THADA: variants seen among roughly 807,000 people sequenced by gnomAD.
THADA encodes the protein tRNA (32-2'-O)-methyltransferase regulator THADA.
A neutral mutation model predicts 219.8 loss-of-function variants in THADA; 213 were observed. That is an observed-to-expected ratio of 0.97 (90% CI 0.87 to 1.09). THADA has a LOEUF of 1.09. Ranked by LOEUF, THADA falls within the 50% of genes least tolerant of loss-of-function variation. The pLI is 0.00. For missense variants in THADA, 2,956 were observed against 2,311.3 expected (o/e 1.28, Z -5.72); for synonymous variants, 1,018 against 828.9 (o/e 1.23, Z -3.92).
Position 43,344,172 on chromosome 2 carries a change from C to T in THADA, c.4293G>A (p.Glu1431=), listed in dbSNP as rs1667370412. 6.2e-7 allele frequency: 1 copy of T among 1,612,672 alleles called. No individual in the cohort carries two copies. Among genetic ancestry groups the T allele is most frequent in the African/African-American group, 1.3e-5 (1 of 75,012 alleles). Residue 1431 remains glutamate, a synonymous_variant, in exon 30 of 38, where the codon GAG becomes GAA. Transcript: ENST00000405975. The stretch of plus-strand genomic sequence containing the variant: ...TGGTACAAACAGTGATGTCAGTCAG[C>T]TCGTGCTGGAAGTCTGAATTCGTTC... ...KHGTNSDFQH[E]LTDITVCTKA...
intron 25 of THADA, 48 bp downstream of exon 25, chr2:43,498,785 C>G (rs779304912): frequency 1.3e-6 from 2 of 1,589,632 alleles, no homozygotes; most frequent in South Asian, 2.3e-5. Flanking sequence ...TTAAAACCTA[C>G]TCAGAAGCAT....
intron 25 of THADA, chr2:43,486,489 C>T (rs538814757): frequency 6.6e-6 from 1 of 152,256 alleles, no homozygotes; most frequent in South Asian, 2.1e-4. Context: ...GATCCAGAAA[C>T]AGAAAACACA....
At chr2:43,353,319 T>C (rs1382371357) in intron 29 of THADA, among the ~76,000 whole-genome samples, 1 of 150,738 alleles carries the variant, frequency 6.6e-6, no homozygotes, top group Non-Finnish European at 1.5e-5. Flanking sequence ...TTCCCTTTTC[T>C]GCACACCCTC....
chr2:43,350,553 T>A (rs1229739531), intron 29 of THADA, among the ~76,000 whole-genome samples: 1 of 152,232 alleles, frequency 6.6e-6, no homozygotes, highest in Non-Finnish European at 1.5e-5. Context: ...ACTTCCACAA[T>A]GCAGGGTGCC....
At chr2:43,421,513 ACT>A (rs961013854) in intron 28 of THADA, among the ~76,000 whole-genome samples, 2 of 152,048 alleles carry the variant, frequency 1.3e-5, no homozygotes, top group Non-Finnish European at 2.9e-5. Flanking sequence ...AGACCCCTGT[ACT>A]CTCTCTCCAG....
Position 43,571,702 on chromosome 2 carries a change from T to G in THADA, c.2064+5A>C, listed in dbSNP as rs1023536791. Reference sequence around the variant, plus strand: ...TTCCCTATGCCTTCTGATGGGAAATTCTACCTTTTTAAGAAGAGAACAGAT... The same window carrying G: ...TTCCCTATGCCTTCTGATGGGAAATGCTACCTTTTTAAGAAGAGAACAGAT... On this transcript the variant is annotated splice_donor_5th_base_variant and intron_variant, in intron 13 of 37. Transcript: ENST00000405975. 2 of 1,604,392 alleles carry G rather than the reference T, an allele frequency of 1.2e-6. No individual in the cohort carries two copies. Among genetic ancestry groups the G allele is most frequent in the East Asian group, 4.5e-5 (2 of 44,786 alleles).
intron 31 of THADA, among the ~76,000 whole-genome samples, chr2:43,308,462 T>C (rs1677104039): frequency 6.6e-6 from 1 of 152,116 alleles, no homozygotes; most frequent in Non-Finnish European, 1.5e-5. Context: ...CCCAACACTT[T>C]GGGAGGCCAC....
At chr2:43,263,607 G>C (rs1350772637) in intron 36 of THADA, among the ~76,000 whole-genome samples, 1 of 152,126 alleles carries the variant, frequency 6.6e-6, no homozygotes, top group Non-Finnish European at 1.5e-5. Context: ...GTGACAGTCT[G>C]TTTCTCTCTC....
intron 25 of THADA, among the ~76,000 whole-genome samples, chr2:43,495,099 A>G (rs1688103541): frequency 6.6e-6 from 1 of 152,208 alleles, no homozygotes; most frequent in Non-Finnish European, 1.5e-5. Flanking sequence ...CGTATGCATT[A>G]AGGAAAAATC....
chr2:43,290,315 A>G (rs1012026161), intron 34 of THADA, among the ~76,000 whole-genome samples: 2 of 150,504 alleles, frequency 1.3e-5, no homozygotes, highest in African/African-American at 2.4e-5. Context: ...TTAGCAAATC[A>G]TCTCCATTCC....
At chr2:43,589,238 G>A (rs1701304633) in intron 4 of THADA, among the ~76,000 whole-genome samples, 1 of 152,122 alleles carries the variant, frequency 6.6e-6, no homozygotes, top group Non-Finnish European at 1.5e-5. Context: ...TCCATTGAAA[G>A]ATGCATGGAT....
chr2:43,298,093 GGT>G (rs1262235779), intron 31 of THADA, among the ~76,000 whole-genome samples: 2 of 91,020 alleles, frequency 2.2e-5, no homozygotes, highest in Non-Finnish European at 4.1e-5. Context: ...CCGTCTGGGA[GGT>G]GTGCCCAACA....
chr2:43,547,896 C>T (rs574597942), intron 20 of THADA, among the ~76,000 whole-genome samples: 23 of 152,304 alleles, frequency 1.5e-4, no homozygotes, highest in Non-Finnish European at 1.5e-4. Context: ...AGCTTTGTTC[C>T]GTTGCTGGTG....
intron 25 of THADA, among the ~76,000 whole-genome samples, chr2:43,486,985 G>A (rs1265122754): frequency 1.3e-5 from 2 of 152,132 alleles, no homozygotes; most frequent in African/African-American, 4.8e-5. Context: ...GAACTTTACA[G>A]ATATACTGGC....
At chr2:43,437,681 T>C (rs929285113) in intron 26 of THADA, among the ~76,000 whole-genome samples, 3 of 152,206 alleles carry the variant, frequency 2.0e-5, no homozygotes, top group Non-Finnish European at 2.9e-5. Flanking sequence ...TGTGCCACTA[T>C]TGCAAAGTGA....
At chr2:43,473,090 T>A (rs745606421) in intron 26 of THADA, among the ~76,000 whole-genome samples, 2 of 152,136 alleles carry the variant, frequency 1.3e-5, no homozygotes, top group Non-Finnish European at 2.9e-5. Flanking sequence ...CTAAATTGAT[T>A]TAAAAAATTT....
At chr2:43,471,584 T>C (rs1021967871) in intron 26 of THADA, among the ~76,000 whole-genome samples, 12 of 152,176 alleles carry the variant, frequency 7.9e-5, no homozygotes, top group Non-Finnish European at 1.0e-4. Flanking sequence ...GGTAAGTTTC[T>C]CTGAGAAGTA....
At chr2:43,535,314 T>C (rs1225833664) in intron 21 of THADA, among the ~76,000 whole-genome samples, 1 of 151,924 alleles carries the variant, frequency 6.6e-6, no homozygotes, top group African/African-American at 2.4e-5. Context: ...TCCTTTGCTG[T>C]GCAGAAGGTT....
intron 22 of THADA, among the ~76,000 whole-genome samples, chr2:43,510,032 G>A (rs139871369): frequency 6.6e-6 from 1 of 152,120 alleles, no homozygotes; most frequent in Admixed American, 6.5e-5. Flanking sequence ...ACCTTGCTTA[G>A]ATCTTGATTT....
Sources: gnomAD v4.1 joint callset for allele counts (sites outside exome capture counted in the v4.1 genomes callset) on GRCh38, gnomAD v4.1.1 for gene constraint, MANE v1.5 for transcripts, NCBI Gene and HGNC (gene_info 2026-07-23, HGNC 2026-07-21) for gene names.